The following BORCS5 variants were observed in gnomAD, a reference collection of about 807,000 sequenced individuals.
The protein encoded by BORCS5 is BLOC-1 related complex subunit 5, also known as BLOC-1-related complex subunit 5.
Under a neutral mutation model 22.1 loss-of-function variants are expected in BORCS5, and 17 were observed. The observed-to-expected ratio is 0.77, with a 90% confidence interval of 0.53 to 1.15. The LOEUF is 1.15. BORCS5 is among the 50% of genes most tolerant of loss of function. The probability of loss-of-function intolerance (pLI) is 0.00; values close to 1 mark genes in which losing one functional copy is unlikely to be tolerated. For missense variants in BORCS5, 247 were observed against 253.2 expected, an observed-to-expected ratio of 0.98 and a Z score of 0.17; for synonymous variants, 117 against 99.8, an observed-to-expected ratio of 1.17 and a Z score of -1.03.
chr12:12,446,657 G>A (rs1469866750), intron 3 of BORCS5, among the ~76,000 whole-genome samples: 1 of 152,198 alleles, frequency 6.6e-6, no homozygotes, highest in Non-Finnish European at 1.5e-5. Flanking sequence ...GCTTGAAGCA[G>A]CATTTAATTT....
rs753335083 is a variant in BORCS5 at position 12,357,143 on chromosome 12, CGGCCGCA to C, written c.-306_-300del. ...AGTGAGTGAAAGCGGCGCCGCCCGC[CGGCCGCA>C]GGTGCGGCAAAGCCAGTGTCATCTG... On this transcript the variant is annotated 5_prime_UTR_variant, in exon 1 of 4. Coordinates refer to ENST00000314565, the MANE Select transcript of BORCS5 (RefSeq NM_058169.6). The C allele has an allele frequency of 5.7e-5, 87 of 1,533,400 alleles. No homozygotes were observed. In the Admixed American group the frequency reaches 6.3e-4, roughly 11 times the overall value. 95.0% of individuals were successfully genotyped at this position (1,533,400 alleles called of 1,614,324 possible).
Position 12,469,043 on chromosome 12 carries a change from A to G in BORCS5, c.*3267A>G, listed in dbSNP as rs1451880384. 6 of 152,178 alleles carry G rather than the reference A, an allele frequency of 3.9e-5. No homozygotes were observed. Among genetic ancestry groups the G allele is most frequent in the Non-Finnish European group, 7.3e-5 (5 of 68,028 alleles). The allele number at this position is 152,178 out of a possible 1,614,324, so 9.4% of individuals were successfully genotyped here. ...AGTTTCAAGGACTCCATACCCTGAT[A>G]TAGGAGTACATTCAAGAAATGAGTT... On this transcript the variant is annotated 3_prime_UTR_variant, in exon 4 of 4. Coordinates refer to ENST00000314565, the MANE Select transcript of BORCS5 (RefSeq NM_058169.6).
intron 2 of BORCS5, among the ~76,000 whole-genome samples, chr12:12,396,277 G>A (rs1193202090): frequency 2.0e-5 from 3 of 152,246 alleles, no homozygotes; most frequent in South Asian, 4.1e-4. Flanking sequence ...GTGAGCAACC[G>A]TGCCCAGTGG....
At position 12,362,816 on chromosome 12, in the gene BORCS5, A is replaced by G. The variant is rs151273546; in HGVS notation, c.202+1467A>G. ...CCACCACGCCAAGCTAAATGTTTTT[A>G]TTATTATTATTTTTAGTTGAGATGG... On this transcript the variant is annotated intron_variant, in intron 2 of 3. Coordinates refer to ENST00000314565, the MANE Select transcript of BORCS5 (RefSeq NM_058169.6). Among the ~76,000 whole-genome samples, 305 of 149,710 alleles carry G rather than the reference A, an allele frequency of 2.0e-3. 2 individuals are homozygous for G. Among genetic ancestry groups the G allele is most frequent in the African/African-American group, 7.3e-3 (295 of 40,312 alleles).
intron 3 of BORCS5, among the ~76,000 whole-genome samples, chr12:12,465,144 G>GT (rs989401540): frequency 6.6e-6 from 1 of 151,986 alleles, no homozygotes; most frequent in South Asian, 2.1e-4. Context: ...TCTGCTCCTA[G>GT]TTTTTTTCTA....
chr12:12,384,236 C>T (rs1036510126), intron 2 of BORCS5, among the ~76,000 whole-genome samples: 1 of 151,006 alleles, frequency 6.6e-6, no homozygotes, highest in Admixed American at 6.6e-5. Context: ...CTGACCTTGG[C>T]CTCCCAAAGT....
At chr12:12,374,951 T>TG (rs1347551263) in intron 2 of BORCS5, among the ~76,000 whole-genome samples, 2 of 128,550 alleles carry the variant, frequency 1.6e-5, no homozygotes, top group African/African-American at 7.8e-5. Context: ...TGAGACTGTC[T>TG]CAAAAAAAAA....
intron 2 of BORCS5, among the ~76,000 whole-genome samples, chr12:12,390,292 G>C (rs573422366): frequency 8.5e-5 from 13 of 152,148 alleles, no homozygotes; most frequent in African/African-American, 2.9e-4. Context: ...CCACTAGAAG[G>C]CAAGTTTGTC....
intron 2 of BORCS5, among the ~76,000 whole-genome samples, chr12:12,434,187 G>A (rs1942500545): frequency 6.6e-6 from 1 of 150,630 alleles, no homozygotes; most frequent in Non-Finnish European, 1.5e-5. Context: ...GGAGGCTGAG[G>A]TAGGAAGATT....
chr12:12,445,656 G>A (rs114822365), intron 3 of BORCS5, among the ~76,000 whole-genome samples: 1 of 149,438 alleles, frequency 6.7e-6, no homozygotes, highest in African/African-American at 2.5e-5. Context: ...TTTTTACAGA[G>A]AGTGTCTTGT....
At chr12:12,454,833 A>G (rs903199821) in intron 3 of BORCS5, among the ~76,000 whole-genome samples, 5 of 152,226 alleles carry the variant, frequency 3.3e-5, no homozygotes, top group African/African-American at 4.8e-5. Flanking sequence ...GCCGTGAGGT[A>G]GGATGAATAT....
chr12:12,370,198 T>C (rs990998147), intron 2 of BORCS5, among the ~76,000 whole-genome samples: 2 of 152,062 alleles, frequency 1.3e-5, no homozygotes, highest in African/African-American at 4.8e-5. Context: ...ATATATAGAA[T>C]GTGATGTTTA....
chr12:12,456,973 G>A (rs191932373), intron 3 of BORCS5, among the ~76,000 whole-genome samples: 1 of 152,000 alleles, frequency 6.6e-6, no homozygotes, highest in Admixed American at 6.5e-5. Flanking sequence ...TAGATATGTT[G>A]TGTCTATTTG....
chr12:12,361,290 G>C lies in BORCS5; in HGVS notation c.143G>C (p.Ser48Thr). The part of the protein sequence containing the change: ...AQGSQASRNV[S>T]NDPDVIKLQE... ...GGCTCCCAGGCCTCACGGAACGTCA[G>C]CAACGATCCCGATGTCATCAAGTTG... is the stretch of plus-strand genomic sequence containing the variant. The change falls in exon 2 of 4, where the codon AGC (serine) becomes ACC (threonine). Residue 48 changes from serine to threonine, a missense_variant. Coordinates refer to ENST00000314565, the MANE Select transcript of BORCS5 (RefSeq NM_058169.6). 6.2e-7 allele frequency: 1 copy of C among 1,614,170 alleles called. No homozygotes were observed. The highest frequency in any genetic ancestry group is 8.5e-7 in the Non-Finnish European group (1 of 1,180,032).
chr12:12,374,375 C>G (rs574375109), intron 2 of BORCS5, among the ~76,000 whole-genome samples: 4 of 151,700 alleles, frequency 2.6e-5, no homozygotes, highest in Non-Finnish European at 5.9e-5. Context: ...GCTCATGCTT[C>G]TAATTCCAGC....
chr12:12,433,623 T>G (rs116386775), intron 2 of BORCS5, among the ~76,000 whole-genome samples: 23 of 152,260 alleles, frequency 1.5e-4, no homozygotes, highest in African/African-American at 5.5e-4. Flanking sequence ...ATACATAGGA[T>G]CTCAATAAAA....
At chr12:12,462,215 G>T (rs115889868) in intron 3 of BORCS5, among the ~76,000 whole-genome samples, 195 of 152,326 alleles carry the variant, frequency 1.3e-3, no homozygotes, top group African/African-American at 4.4e-3. Context: ...GGATGATAAT[G>T]TTCTCCTTGC....
At chr12:12,380,895 T>A (rs572125941) in intron 2 of BORCS5, among the ~76,000 whole-genome samples, 1 of 151,490 alleles carries the variant, frequency 6.6e-6, no homozygotes, top group Non-Finnish European at 1.5e-5. Context: ...TTAAATTGGG[T>A]TTTTAACTTA....
At chr12:12,448,308 C>T (rs908751407) in intron 3 of BORCS5, among the ~76,000 whole-genome samples, 3 of 152,066 alleles carry the variant, frequency 2.0e-5, no homozygotes, top group East Asian at 1.9e-4. Flanking sequence ...TCCTGCCTCC[C>T]GGGTTCAACG....
Sources: allele counts gnomAD v4.1 joint callset (sites outside exome capture counted in the v4.1 genomes callset), GRCh38; gene constraint gnomAD v4.1.1; transcripts MANE v1.5; gene names NCBI Gene and HGNC (gene_info 2026-07-23, HGNC 2026-07-21).